PTPRZ1: variants seen among roughly 807,000 people sequenced by gnomAD.
PTPRZ1 encodes receptor-type tyrosine-protein phosphatase zeta.
A neutral mutation model predicts 214.1 loss-of-function variants in PTPRZ1; 82 were observed. The observed-to-expected ratio is 0.38, with a 90% CI of 0.32 to 0.46. PTPRZ1 has a LOEUF of 0.46. PTPRZ1 is among the 20% of genes least tolerant of loss of function. The pLI is 1.00. For missense variants in PTPRZ1, 2,603 were observed against 2,748.7 expected (o/e 0.95, Z 1.19); for synonymous variants, 945 against 987.9 (o/e 0.96, Z 0.81).
Position 122,013,782 on chromosome 7 carries a change from A to T in PTPRZ1, c.4736A>T (p.Asp1579Val), listed in dbSNP as rs1456370799. 2 of 1,613,976 alleles carry T rather than the reference A, an allele frequency of 1.2e-6. No individual in the cohort carries two copies. The highest frequency in any genetic ancestry group is 1.7e-6 in the Non-Finnish European group (2 of 1,179,840). Reference sequence around the variant, plus strand: ...GCAGACACTAATGAAAAAGATGCTGATGGGATCCTGGCAGCAGGTGACTCA... The same window carrying T: ...GCAGACACTAATGAAAAAGATGCTGTTGGGATCCTGGCAGCAGGTGACTCA... ...SFADTNEKDA[D>V]GILAAGDSEI... Residue 1579 changes from aspartate (D) to valine (V), a missense_variant, in exon 12 of 30, where the codon GAT becomes GTT. Coordinates refer to ENST00000393386, the MANE Select transcript of PTPRZ1 (RefSeq NM_002851.3).
intron 9 of PTPRZ1, among the ~76,000 whole-genome samples, chr7:121,997,545 T>C (rs546097156): frequency 5.3e-5 from 8 of 152,262 alleles, no homozygotes; most frequent in South Asian, 2.1e-4. Context: ...GCTCCTTGTT[T>C]GCAAATGCCC....
chr7:122,002,391 C>A (rs1798357659), intron 10 of PTPRZ1, among the ~76,000 whole-genome samples: 1 of 152,132 alleles, frequency 6.6e-6, no homozygotes, highest in African/African-American at 2.4e-5. Flanking sequence ...CATGTTTTCC[C>A]AGAGCCAAGG....
intron 2 of PTPRZ1, 110 bp from the exon 3 acceptor site, chr7:121,967,841 A>G: frequency 1.3e-6 from 1 of 762,126 alleles, no homozygotes. Context: ...GATGTCAAAC[A>G]TTTTTCTACT....
chr7:121,963,456 C>T (rs1421282458), intron 2 of PTPRZ1, among the ~76,000 whole-genome samples: 1 of 151,784 alleles, frequency 6.6e-6, no homozygotes, highest in Non-Finnish European at 1.5e-5. Flanking sequence ...CATAAGACTC[C>T]CTTTTTGGGA....
chr7:122,013,056 T>C lies in PTPRZ1; in HGVS notation c.4010T>C (p.Leu1337Ser). Reference protein sequence around the residue: ...INKLIHSDEILTSTKSSVTGK... With the variant: ...INKLIHSDEISTSTKSSVTGK... The stretch of plus-strand genomic sequence containing the variant: ...AAGCTTATACATTCCGATGAAATTT[T>C]AACCTCCACCAAAAGTTCTGTTACT... Residue 1337 changes from leucine to serine, a missense_variant, in exon 12 of 30, where the codon TTA becomes TCA. Coordinates refer to ENST00000393386, the MANE Select transcript of PTPRZ1 (RefSeq NM_002851.3). The C allele has an allele frequency of 6.2e-7, 1 of 1,613,720 alleles. No homozygotes were observed. Among genetic ancestry groups the C allele is most frequent in the Non-Finnish European group, 8.5e-7 (1 of 1,179,580 alleles).
intron 1 of PTPRZ1, among the ~76,000 whole-genome samples, chr7:121,911,547 C>T (rs1795278200): frequency 6.6e-6 from 1 of 152,026 alleles, no homozygotes; most frequent in Non-Finnish European, 1.5e-5. Flanking sequence ...TTCTGATGCA[C>T]ATCTTTAGCA....
chr7:122,024,853 T>C (rs896095515), intron 13 of PTPRZ1, among the ~76,000 whole-genome samples: 1 of 152,184 alleles, frequency 6.6e-6, no homozygotes, highest in African/African-American at 2.4e-5. Context: ...CTTCTTCCCA[T>C]TCAGTCATAG....
At chr7:121,927,900 A>G (rs1025212333) in intron 1 of PTPRZ1, among the ~76,000 whole-genome samples, 1 of 152,146 alleles carries the variant, frequency 6.6e-6, no homozygotes, top group Admixed American at 6.5e-5. Context: ...CTCTTTCATT[A>G]CCTAAATATG....
intron 21 of PTPRZ1, among the ~76,000 whole-genome samples, chr7:122,041,731 C>T (rs1432908417): frequency 6.6e-6 from 1 of 152,134 alleles, no homozygotes; most frequent in African/African-American, 2.4e-5. Context: ...GTTATCAAAG[C>T]AGTGTGTTTT....
chr7:122,022,127 G>A (rs1289478657), intron 13 of PTPRZ1, among the ~76,000 whole-genome samples: 3 of 152,124 alleles, frequency 2.0e-5, no homozygotes, highest in Non-Finnish European at 4.4e-5. Flanking sequence ...TGGTAATGAA[G>A]TCCTTAAGAA....
At chr7:121,967,590 C>A (rs577685471) in intron 2 of PTPRZ1, among the ~76,000 whole-genome samples, 1 of 152,176 alleles carries the variant, frequency 6.6e-6, no homozygotes. Flanking sequence ...ATTGCTGAAC[C>A]CTGAACTTGT....
chr7:121,888,426 G>A (rs935753032), intron 1 of PTPRZ1, among the ~76,000 whole-genome samples: 1 of 152,006 alleles, frequency 6.6e-6, no homozygotes, highest in African/African-American at 2.4e-5. Context: ...TTCAATAAAA[G>A]ATGGCTGAAA....
chr7:121,896,794 CAAG>C (rs1354552074), intron 1 of PTPRZ1, among the ~76,000 whole-genome samples: 4 of 150,604 alleles, frequency 2.7e-5, no homozygotes, highest in Non-Finnish European at 4.4e-5. Context: ...AAAAAAGAAA[CAAG>C]AACATTATGC....
At chr7:121,969,853 C>A (rs1211115917) in intron 3 of PTPRZ1, among the ~76,000 whole-genome samples, 1 of 151,354 alleles carries the variant, frequency 6.6e-6, no homozygotes. Context: ...GCACAACATG[C>A]AGGTTTGTTA....
intron 2 of PTPRZ1, among the ~76,000 whole-genome samples, chr7:121,953,038 C>A (rs1244947343): frequency 6.6e-6 from 1 of 151,984 alleles, no homozygotes; most frequent in Admixed American, 6.6e-5. Context: ...CAGCAATAGG[C>A]AAGCTGTTTA....
rs768994189 is a variant in PTPRZ1, at chr7:122,012,080, G to A, written c.3034G>A (p.Gly1012Arg). Residue 1012 changes from glycine (G) to arginine (R), a missense_variant, in exon 12 of 30, where the codon GGG becomes AGG. Physicochemically the swap from Gly to Arg is moderately radical, Grantham distance 125. This residue lies in a region of PTPRZ1 where 1,913 missense variants were observed against 1,914.3 expected (regional missense o/e 1.00). Coordinates refer to ENST00000393386, the MANE Select transcript of PTPRZ1 (RefSeq NM_002851.3). The part of the protein sequence containing the change: ...DSEFLLPDTD[G>R]LTALNISSPV... ...TGAATTTCTTTTACCTGACACAGAT[G>A]GGCTGACAGCCCTTAACATTTCTTC... The A allele has an allele frequency of 3.7e-6, 6 of 1,614,140 alleles. No individual in the cohort carries two copies. The highest frequency in any genetic ancestry group is 1.1e-5 in the South Asian group (1 of 91,088).
intron 1 of PTPRZ1, among the ~76,000 whole-genome samples, chr7:121,884,742 T>C (rs370909564): frequency 7.2e-5 from 11 of 152,246 alleles, no homozygotes; most frequent in African/African-American, 2.4e-4. Context: ...AGATATGAAT[T>C]GTACCCTGGT....
In PTPRZ1 at chr7:121,897,843, TGGTATATATAA is replaced by T. The variant is rs2116247228; in HGVS notation, c.58+24289_58+24299del. Among the ~76,000 whole-genome samples, 2 of 152,326 alleles carry T rather than the reference TGGTATATATAA, an allele frequency of 1.3e-5. 1 individual carries two copies. Among genetic ancestry groups the T allele is most frequent in the South Asian group, 4.1e-4 (2 of 4,832 alleles). On this transcript the variant is annotated intron_variant, in intron 1 of 29. Coordinates refer to ENST00000393386, the MANE Select transcript of PTPRZ1 (RefSeq NM_002851.3). Reference sequence around the variant, plus strand: ...GTGGCCAGAAATGCAGAGGACATCATGGTATATATAAGGCAAAATTATCCATTGATGACTTA... The same window carrying T: ...GTGGCCAGAAATGCAGAGGACATCATGGCAAAATTATCCATTGATGACTTA...
intron 4 of PTPRZ1, among the ~76,000 whole-genome samples, chr7:121,975,648 G>A (rs1443449347): frequency 6.6e-6 from 1 of 152,146 alleles, no homozygotes; most frequent in East Asian, 1.9e-4. Context: ...TTATATAGAG[G>A]CTGTTACAGA....
Sources: allele counts gnomAD v4.1 joint callset (sites outside exome capture counted in the v4.1 genomes callset), GRCh38; gene constraint gnomAD v4.1.1; regional missense constraint gnomAD v4.1.1; transcripts MANE v1.5; gene names NCBI Gene and HGNC (gene_info 2026-07-23, HGNC 2026-07-21).